ADRA1A: variants seen among roughly 807,000 people sequenced by gnomAD.
The protein encoded by ADRA1A is adrenoceptor alpha 1A, also known as alpha-1A adrenergic receptor.
ADRA1A carries 31 observed loss-of-function variants against 29.6 expected under a neutral mutation model. The ratio of observed to expected loss-of-function variants is 1.05; its 90% CI spans 0.79 to 1.41. The LOEUF (loss-of-function observed/expected upper bound fraction) is 1.41, where lower values mean the gene tolerates loss of function less well. Ranked by LOEUF, ADRA1A falls within the 40% of genes most tolerant of loss-of-function variation. The pLI is 0.00. For missense variants in ADRA1A, 619 were observed against 601.1 expected (o/e 1.03, Z -0.31); for synonymous variants, 311 against 254.3 (o/e 1.22, Z -2.12).
intron 2 of ADRA1A, chr8:26,779,043 C>T (rs1041582912): frequency 1.0e-5 from 3 of 288,328 alleles, no homozygotes; most frequent in Non-Finnish European, 1.9e-5. Flanking sequence ...CAAACTCACA[C>T]CTGCTGAATG....
chr8:26,808,820 T>G (rs571934814), intron 2 of ADRA1A, among the ~76,000 whole-genome samples: 2 of 152,386 alleles, frequency 1.3e-5, no homozygotes, highest in Admixed American at 1.3e-4. Flanking sequence ...TTTCTTTTTA[T>G]TCTTATTGTC....
rs922166363 is a variant in ADRA1A at position 26,806,886 on chromosome 8, C to T, written c.884-36220G>A. On this transcript the variant is annotated intron_variant, in intron 2 of 2. Coordinates refer to ENST00000380573, the MANE Select transcript of ADRA1A (RefSeq NM_000680.4). This position sits in a 1 kb window ranked among gnomAD's most constrained non-coding sequence, Gnocchi z 4.6. ...GCATCTGTGATAATGAGAGAAGATG[C>T]CTAGAGGGAGCTGGACCCAAACTCT... Among the ~76,000 whole-genome samples, 3 of 152,094 alleles carry T rather than the reference C, an allele frequency of 2.0e-5. No individual in the cohort carries two copies. Among genetic ancestry groups the T allele is most frequent in the Non-Finnish European group, 4.4e-5 (3 of 68,016 alleles).
At position 26,818,808 on chromosome 8, in the gene ADRA1A, A is replaced by T. The variant is rs886675057; in HGVS notation, c.883+45279T>A. On this transcript the variant is annotated intron_variant, in intron 2 of 2. Transcript: ENST00000380573. ...GAAGAAAAAGTAAAAAAATTAAAAT[A>T]AAAAAAGTGAAGAAAGACTCCAGGA... is the stretch of plus-strand genomic sequence containing the variant. 1.5e-4 allele frequency among the ~76,000 whole-genome samples: 23 copies of T among 152,128 alleles called. 1 individual carries two copies. Among genetic ancestry groups the T allele is most frequent in the South Asian group, 1.2e-3 (6 of 4,822 alleles).
intron 2 of ADRA1A, among the ~76,000 whole-genome samples, chr8:26,847,766 C>T (rs893300830): frequency 6.6e-6 from 1 of 152,198 alleles, no homozygotes; most frequent in African/African-American, 2.4e-5. Context: ...TCTTCCCAAA[C>T]TTCTTCTGAT....
intron 2 of ADRA1A, among the ~76,000 whole-genome samples, chr8:26,845,728 C>G (rs1812151350): frequency 6.6e-6 from 1 of 152,166 alleles, no homozygotes; most frequent in Non-Finnish European, 1.5e-5. Flanking sequence ...ATGGTACATT[C>G]ATACAAATAA....
intron 2 of ADRA1A, among the ~76,000 whole-genome samples, chr8:26,818,463 A>C (rs1027648335): frequency 9.2e-5 from 14 of 152,176 alleles, no homozygotes; most frequent in African/African-American, 3.4e-4. Flanking sequence ...TGCTTCCTAC[A>C]CGTGAACAAT....
At position 26,864,704 on chromosome 8, in the gene ADRA1A, A is replaced by C; in HGVS notation, c.266T>G (p.Leu89Arg). The change falls in exon 2 of 3, where the codon CTA (leucine) becomes CGA (arginine). Residue 89 changes from leucine to arginine, a missense_variant. Coordinates refer to ENST00000380573, the MANE Select transcript of ADRA1A (RefSeq NM_000680.4). This position sits in a 1 kb window ranked among gnomAD's most constrained non-coding sequence, Gnocchi z 8.1. ...GACCCTGCCGAAGGCCCAGTAGCCT[A>C]GGACCTCGAAGATGGCGGAGAAGGG... ...VLPFSAIFEV[L>R]GYWAFGRVFC... The C allele has an allele frequency of 1.9e-6, 3 of 1,614,164 alleles. No individual in the cohort carries two copies. The highest frequency in any genetic ancestry group is 2.5e-6 in the Non-Finnish European group (3 of 1,180,026).
chr8:26,804,861 A>G lies in ADRA1A; in HGVS notation c.884-34195T>C, dbSNP rs79740728. ...TCTGATATAAATTTAATTTATTCTT[A>G]TTGTTTGTTATTAATAGCTAGAGAT... On this transcript the variant is annotated intron_variant, in intron 2 of 2. Transcript: ENST00000380573. Among the ~76,000 whole-genome samples the G allele has an allele frequency of 1.5e-3, 225 of 152,278 alleles. 3 individuals carry two copies. In the East Asian group the frequency reaches 0.04, roughly 27 times the overall value.
At chr8:26,804,630 T>C (rs1808831860) in intron 2 of ADRA1A, among the ~76,000 whole-genome samples, 1 of 152,180 alleles carries the variant, frequency 6.6e-6, no homozygotes, top group Non-Finnish European at 1.5e-5. Context: ...AGTTGTGCTC[T>C]GACTTATCTG....
intron 2 of ADRA1A, among the ~76,000 whole-genome samples, chr8:26,837,567 C>T (rs1014699851): frequency 5.3e-5 from 8 of 151,326 alleles, no homozygotes; most frequent in African/African-American, 1.9e-4. Flanking sequence ...ACAAGAATCG[C>T]TTGAGCCTGG....
intron 2 of ADRA1A, among the ~76,000 whole-genome samples, chr8:26,798,227 C>T (rs931721319): frequency 5.9e-5 from 9 of 152,212 alleles, no homozygotes; most frequent in African/African-American, 2.2e-4. Context: ...GATCCTCCCA[C>T]CTCAGCCTGC....
chr8:26,764,577 G>A (rs182486987), downstream of ADRA1A, among the ~76,000 whole-genome samples: 6 of 152,250 alleles, frequency 3.9e-5, no homozygotes, highest in East Asian at 9.6e-4. Flanking sequence ...AAAAGGAGTC[G>A]GAGGCTGGAT....
At chr8:26,790,792 A>G (rs1425308043) in intron 2 of ADRA1A, among the ~76,000 whole-genome samples, 1 of 152,234 alleles carries the variant, frequency 6.6e-6, no homozygotes, top group Non-Finnish European at 1.5e-5. Flanking sequence ...ACTTCCTAAC[A>G]TAGAAATTAT....
At chr8:26,811,127 G>T (rs1431833595) in intron 2 of ADRA1A, among the ~76,000 whole-genome samples, 1 of 152,126 alleles carries the variant, frequency 6.6e-6, no homozygotes, top group Admixed American at 6.5e-5. Flanking sequence ...TGAGGCCCTA[G>T]GGTGAGAAAT....
intron 2 of ADRA1A, among the ~76,000 whole-genome samples, chr8:26,843,631 A>T (rs992790130): frequency 1.1e-4 from 17 of 152,232 alleles, no homozygotes; most frequent in Non-Finnish European, 2.1e-4. Flanking sequence ...ATACCTCCTC[A>T]TCAACATATA....
intron 2 of ADRA1A, among the ~76,000 whole-genome samples, chr8:26,789,634 C>T (rs918528716): frequency 6.6e-6 from 1 of 152,166 alleles, no homozygotes; most frequent in South Asian, 2.1e-4. Context: ...CTCAAAAGCA[C>T]AGGAAACAAA....
intron 2 of ADRA1A, chr8:26,756,897 A>T (rs1311731023): frequency 6.9e-7 from 1 of 1,452,408 alleles, no homozygotes; most frequent in East Asian, 2.4e-5. Flanking sequence ...CTTACTCCAA[A>T]CCCAATGTGT....
At chr8:26,781,803 A>T (rs941796252) in intron 2 of ADRA1A, among the ~76,000 whole-genome samples, 2 of 152,172 alleles carry the variant, frequency 1.3e-5, no homozygotes, top group Non-Finnish European at 2.9e-5. Context: ...AACAACCAAA[A>T]CTGATCTCCC....
chr8:26,779,150 T>C, intron 2 of ADRA1A: 1 of 593,704 alleles, frequency 1.7e-6, no homozygotes, highest in Non-Finnish European at 3.0e-6. Context: ...ATGATATGCT[T>C]TCCAATGGTA....
Sources: gnomAD v4.1 joint callset for allele counts (sites outside exome capture counted in the v4.1 genomes callset) on GRCh38, gnomAD v4.1.1 for gene constraint, Gnocchi (gnomAD v3.1) non-coding constraint, MANE v1.5 for transcripts, NCBI Gene and HGNC (gene_info 2026-07-23, HGNC 2026-07-21) for gene names.